The following DOCK11 variants were observed in gnomAD, a reference collection of about 807,000 sequenced individuals.
DOCK11 encodes the protein dedicator of cytokinesis 11, also known as dedicator of cytokinesis protein 11.
A neutral mutation model predicts 169.1 loss-of-function variants in DOCK11; 70 were observed. The ratio of observed to expected loss-of-function variants is 0.41; its 90% CI spans 0.34 to 0.51. The LOEUF (loss-of-function observed/expected upper bound fraction) is 0.51. Ranked by LOEUF, DOCK11 falls within the 20% of genes least tolerant of loss-of-function variation. DOCK11 has a pLI of 0.10. For synonymous variants in DOCK11, 529 were observed against 541.3 expected (o/e 0.98, Z 0.32); for missense variants, 1,166 against 1,538.8 (o/e 0.76, Z 4.05).
intron 41 of DOCK11, among the ~76,000 whole-genome samples, chrX:118,651,737 A>G (rs1295767964): frequency 1.8e-5 from 2 of 111,996 alleles, no homozygotes; most frequent in African/African-American, 6.5e-5. Flanking sequence ...AAAATTGTTT[A>G]CGTCTAACCA....
intron 12 of DOCK11, among the ~76,000 whole-genome samples, chrX:118,577,344 C>A (rs1253910911): frequency 8.9e-6 from 1 of 112,025 alleles, no homozygotes; most frequent in Non-Finnish European, 1.9e-5. Flanking sequence ...CTTTGGTGGG[C>A]CACCTGGGTA....
At chrX:118,667,274 C>A (rs1466694694) in intron 45 of DOCK11, among the ~76,000 whole-genome samples, 1 of 111,009 alleles carries the variant, frequency 9.0e-6, no homozygotes, top group East Asian at 2.8e-4. Context: ...TGTATCTGGT[C>A]CCAAAAATCT....
intron 1 of DOCK11, among the ~76,000 whole-genome samples, chrX:118,509,794 G>A (rs914080242): frequency 8.9e-6 from 1 of 112,464 alleles, no homozygotes; most frequent in East Asian, 2.8e-4. Context: ...TGTCCAAAAA[G>A]CCTCACTTCC....
intron 45 of DOCK11, among the ~76,000 whole-genome samples, chrX:118,666,999 C>T (rs896656574): frequency 2.6e-4 from 29 of 111,570 alleles, no homozygotes; most frequent in African/African-American, 9.4e-4. Flanking sequence ...TTCAGGTGTT[C>T]CTTGGCCTCT....
chrX:118,561,481 T>A lies in DOCK11; in HGVS notation c.657T>A (p.Gly219=), dbSNP rs1204455302. 3.3e-6 allele frequency: 4 copies of A among 1,204,697 alleles called. No homozygotes were observed. Among genetic ancestry groups the A allele is most frequent in the Non-Finnish European group, 3.4e-6 (3 of 892,381 alleles). ...KDEKNSKESK[G]CIYLDACIDV... is the part of the protein sequence containing the mutation. Reference sequence around the variant, plus strand: ...AGAAAAATTCAAAAGAATCGAAAGGTTGCATCTACTTGGACGCCTGCATTG... The same window carrying A: ...AGAAAAATTCAAAAGAATCGAAAGGATGCATCTACTTGGACGCCTGCATTG... The change falls in exon 7 of 53, where the codon GGT becomes GGA. Residue 219 remains glycine, a synonymous_variant. Coordinates refer to ENST00000276202, the MANE Select transcript of DOCK11 (RefSeq NM_144658.4).
intron 1 of DOCK11, among the ~76,000 whole-genome samples, chrX:118,506,663 C>CA (rs66510006): frequency 0.28 from 29,844 of 107,084 alleles, 3,273 homozygotes; most frequent in South Asian, 0.43. Context: ...GAGACTGTCT[C>CA]AAAAAAAAAA....
At chrX:118,519,335 G>T (rs936108059) in intron 1 of DOCK11, among the ~76,000 whole-genome samples, 2 of 111,945 alleles carry the variant, frequency 1.8e-5, no homozygotes, top group African/African-American at 6.5e-5. Flanking sequence ...ATCACTTGAG[G>T]TCAGGAGTTT....
chrX:118,634,595 G>A (rs2015336618), intron 35 of DOCK11, among the ~76,000 whole-genome samples: 1 of 112,875 alleles, frequency 8.9e-6, no homozygotes, highest in South Asian at 3.6e-4. Flanking sequence ...CTCAGGCAGT[G>A]GCGCAGCAAG....
chrX:118,655,282 C>T (rs1046633133), intron 44 of DOCK11, among the ~76,000 whole-genome samples: 2 of 109,679 alleles, frequency 1.8e-5, no homozygotes, highest in Admixed American at 9.8e-5. Context: ...GCCTGGGCAA[C>T]AGAGTGTGAT....
chrX:118,582,744 T>C (rs1486119122), intron 14 of DOCK11, among the ~76,000 whole-genome samples: 7 of 111,505 alleles, frequency 6.3e-5, no homozygotes, highest in Admixed American at 5.7e-4. Context: ...CATCTCATGC[T>C]AGTTAGAATG....
intron 7 of DOCK11, among the ~76,000 whole-genome samples, chrX:118,563,732 CAG>C (rs1247878883): frequency 2.0e-5 from 2 of 101,800 alleles, no homozygotes; most frequent in Non-Finnish European, 3.9e-5. Context: ...TTTTTTGAGA[CAG>C]AGTCTCACTA....
intron 37 of DOCK11, 46 bp downstream of exon 37, chrX:118,638,173 A>G (rs771625142): frequency 2.7e-6 from 3 of 1,125,126 alleles, no homozygotes; most frequent in Non-Finnish European, 3.7e-6. Context: ...TTCTCTTCCA[A>G]CAGAGGGCAA....
chrX:118,651,880 G>A, intron 41 of DOCK11, 84 bp from the exon 42 acceptor site: 2 of 600,383 alleles, frequency 3.3e-6, no homozygotes, highest in Non-Finnish European at 5.3e-6. Context: ...TTTCATGTGA[G>A]TGCTTATATA....
chrX:118,663,927 C>T (rs2016282690), intron 45 of DOCK11, among the ~76,000 whole-genome samples: 1 of 110,436 alleles, frequency 9.1e-6, no homozygotes, highest in Non-Finnish European at 1.9e-5. Flanking sequence ...CCTGCCTTGA[C>T]CTCCCAAAGG....
chrX:118,515,195 C>T (rs2057674644), intron 1 of DOCK11, among the ~76,000 whole-genome samples: 1 of 111,892 alleles, frequency 8.9e-6, no homozygotes. Context: ...CCCCAATAAT[C>T]CGGATGCGCT....
At chrX:118,551,689 C>T (rs935219523) in intron 6 of DOCK11, among the ~76,000 whole-genome samples, 1 of 110,585 alleles carries the variant, frequency 9.0e-6, no homozygotes, top group African/African-American at 3.3e-5. Flanking sequence ...CAGAGCAATA[C>T]TCGATCTCTT....
intron 46 of DOCK11, among the ~76,000 whole-genome samples, chrX:118,673,734 C>T (rs1165297243): frequency 9.0e-6 from 1 of 110,802 alleles, no homozygotes; most frequent in Non-Finnish European, 1.9e-5. Flanking sequence ...CAATATGCAC[C>T]CACCACCTCT....
At chrX:118,626,917 A>C (rs2015119263) in intron 32 of DOCK11, among the ~76,000 whole-genome samples, 1 of 112,457 alleles carries the variant, frequency 8.9e-6, no homozygotes, top group Non-Finnish European at 1.9e-5. Context: ...GGTTCTAAGG[A>C]GGAGAACTGA....
intron 35 of DOCK11, among the ~76,000 whole-genome samples, chrX:118,636,068 A>G (rs1250302632): frequency 8.9e-6 from 1 of 111,939 alleles, no homozygotes; most frequent in Admixed American, 9.6e-5. Flanking sequence ...GTCTTCAGAA[A>G]TGATACGAAG....
Sources: gnomAD v4.1 joint callset for allele counts (sites outside exome capture counted in the v4.1 genomes callset) on GRCh38, gnomAD v4.1.1 for gene constraint, MANE v1.5 for transcripts, NCBI Gene and HGNC (gene_info 2026-07-23, HGNC 2026-07-21) for gene names.